NEU3: variants seen among roughly 807,000 people sequenced by gnomAD.
NEU3 encodes sialidase-3.
NEU3 carries 10 observed loss-of-function variants against 11.4 expected under a neutral mutation model. That is an observed-to-expected ratio of 0.88 (90% CI 0.54 to 1.49). The LOEUF (loss-of-function observed/expected upper bound fraction) is 1.49, where lower values mean the gene tolerates loss of function less well. Among genes scored for constraint, NEU3 ranks in the 40% most tolerant of loss-of-function variants. NEU3 has a pLI of 0.00. For synonymous variants in NEU3, 212 were observed against 228.2 expected, an observed-to-expected ratio of 0.93 and a Z score of 0.64; for missense variants, 529 against 581.8, an observed-to-expected ratio of 0.91 and a Z score of 0.93.
chr11:75,001,071 T>C (rs1379498298), intron 2 of NEU3, among the ~76,000 whole-genome samples: 1 of 152,078 alleles, frequency 6.6e-6, no homozygotes, highest in East Asian at 1.9e-4. Context: ...TTTATATTCC[T>C]ACCAACAGTA....
At chr11:75,018,559 T>G (rs1482324213) in intron 3 of NEU3, 4 of 152,236 alleles carry the variant, frequency 2.6e-5, no homozygotes, top group African/African-American at 9.6e-5. Context: ...CTCCAAGTTC[T>G]TCAGTTTTGG....
At chr11:75,015,953 C>G (rs1744870145) in intron 3 of NEU3, among the ~76,000 whole-genome samples, 1 of 152,214 alleles carries the variant, frequency 6.6e-6, no homozygotes, top group African/African-American at 2.4e-5. Flanking sequence ...ACCACCCATA[C>G]AGCTGGTCTG....
chr11:75,017,247 A>T (rs942386768), intron 3 of NEU3, among the ~76,000 whole-genome samples: 1 of 152,196 alleles, frequency 6.6e-6, no homozygotes, highest in Non-Finnish European at 1.5e-5. Context: ...GTCTTATACT[A>T]GGCCCAGAGT....
chr11:75,011,139 A>C (rs1053104270), downstream of NEU3, among the ~76,000 whole-genome samples: 4 of 152,232 alleles, frequency 2.6e-5, no homozygotes, highest in Non-Finnish European at 4.4e-5. Flanking sequence ...TACGGAATAC[A>C]ATGTCATACA....
chr11:74,995,768 G>A (rs997099778), intron 2 of NEU3, among the ~76,000 whole-genome samples: 1 of 149,366 alleles, frequency 6.7e-6, no homozygotes, highest in Non-Finnish European at 1.5e-5. Flanking sequence ...TATCAGGGTG[G>A]TGGTTGCTGA....
chr11:75,006,055 G>A lies in NEU3; in HGVS notation c.949G>A (p.Val317Ile). ...CCCACATGGTTGCCAAGGGAGTGTGGTAAGTTTCCGGCCCCTGGAGATCCC... is the reference window on the plus strand; with the variant it reads ...CCCACATGGTTGCCAAGGGAGTGTGATAAGTTTCCGGCCCCTGGAGATCCC... The part of the protein sequence containing the change: ...EPPHGCQGSV[V>I]SFRPLEIPHR... The change falls in exon 3 of 3, where the codon GTA (valine) becomes ATA (isoleucine). Residue 317 changes from valine (V) to isoleucine (I), a missense_variant. By Grantham distance (29) the Val-to-Ile change is conservative (BLOSUM62 3). Coordinates refer to ENST00000294064, the MANE Select transcript of NEU3 (RefSeq NM_006656.6). 6.2e-7 allele frequency: 1 copy of A among 1,614,010 alleles called. No homozygotes were observed. The highest frequency in any genetic ancestry group is 8.5e-7 in the Non-Finnish European group (1 of 1,179,906).
intron 1 of NEU3, among the ~76,000 whole-genome samples, chr11:74,990,857 G>A (rs1041271293): frequency 6.6e-6 from 1 of 152,186 alleles, no homozygotes; most frequent in African/African-American, 2.4e-5. Context: ...GGATTTAAAT[G>A]TTTTTAAGAA....
chr11:75,005,407 G>T lies in NEU3; in HGVS notation c.307-6G>T, dbSNP rs188758869. ...CACTCCTACTTTCTCCCTTCTCCTT[G>T]TCTAGTGGGGGCCCCTGAAGCCACT... On this transcript the variant is annotated splice_polypyrimidine_tract_variant and splice_region_variant and intron_variant, in intron 2 of 2. Coordinates refer to ENST00000294064, the MANE Select transcript of NEU3 (RefSeq NM_006656.6). The T allele has an allele frequency of 3.6e-5, 58 of 1,594,698 alleles. No homozygotes were observed. In the African/African-American group the frequency reaches 7.4e-4, roughly 20 times the overall value.
rs1021883153 is a variant in NEU3 at position 75,005,643 on chromosome 11, G to A, written c.537G>A (p.Glu179=). The part of the protein sequence containing the change: ...CSWSEVRDLT[E]EVIGSELKHW... The stretch of plus-strand genomic sequence containing the variant: ...GGAGTGAGGTGAGGGACTTGACTGA[G>A]GAGGTCATTGGCTCAGAGCTGAAGC... Residue 179 remains glutamate (E), a synonymous_variant, in exon 3 of 3, where the codon GAG becomes GAA. Coordinates refer to ENST00000294064, the MANE Select transcript of NEU3 (RefSeq NM_006656.6). 3 of 1,614,024 alleles carry A rather than the reference G, an allele frequency of 1.9e-6. No individual in the cohort carries two copies. Among genetic ancestry groups the A allele is most frequent in the Admixed American group, 3.3e-5 (2 of 60,022 alleles).
At chr11:75,004,622 A>T (rs1948879862) in intron 2 of NEU3, among the ~76,000 whole-genome samples, 1 of 152,220 alleles carries the variant, frequency 6.6e-6, no homozygotes, top group Non-Finnish European at 1.5e-5. Flanking sequence ...TTGTATCCTT[A>T]TAATAACTCC....
chr11:75,001,530 G>A (rs1341826063), intron 2 of NEU3, among the ~76,000 whole-genome samples: 9 of 151,840 alleles, frequency 5.9e-5, no homozygotes, highest in Non-Finnish European at 8.8e-5. Flanking sequence ...TAATCCACCC[G>A]CCTTGACCTC....
Position 74,995,090 on chromosome 11 carries a change from T to G in NEU3, c.306+370T>G, listed in dbSNP as rs573013949. The G allele has an allele frequency of 9.5e-6, 5 of 528,412 alleles. No homozygotes were observed. In the East Asian group the frequency reaches 1.4e-4, roughly 15 times the overall value. The allele number at this position is 528,412 out of a possible 1,614,324, so 32.7% of individuals were successfully genotyped here. A position where few individuals can be genotyped will look rare whatever the true frequency, so the allele number is the denominator to read the frequency against. On this transcript the variant is annotated intron_variant, in intron 2 of 2. Transcript: ENST00000294064. ...TTATTTAGATTCAGCTAACGTATGATGTGCCTTTCATTTATATTCCATTTA... is the reference window on the plus strand; with the variant it reads ...TTATTTAGATTCAGCTAACGTATGAGGTGCCTTTCATTTATATTCCATTTA...
At chr11:74,999,050 G>A (rs1165713612) in intron 2 of NEU3, among the ~76,000 whole-genome samples, 1 of 152,176 alleles carries the variant, frequency 6.6e-6, no homozygotes. Context: ...CCTGGCTCAA[G>A]CAATTTTCCT....
the NEU3 span, among the ~76,000 whole-genome samples, chr11:74,983,264 TATAC>T: frequency 1.3e-5 from 2 of 152,228 alleles, no homozygotes; most frequent in African/African-American, 4.8e-5. Context: ...TTAATACCAA[TATAC>T]ATTTAATTGA....
At chr11:75,017,397 G>T (rs1329701917) in intron 3 of NEU3, among the ~76,000 whole-genome samples, 1 of 152,216 alleles carries the variant, frequency 6.6e-6, no homozygotes, top group Non-Finnish European at 1.5e-5. Context: ...GGATGTGTTT[G>T]AGCAGGGCTG....
chr11:75,005,300 T>G (rs1948885466), intron 2 of NEU3, 113 bp from the exon 3 acceptor site: 1 of 1,180,264 alleles, frequency 8.5e-7, no homozygotes, highest in African/African-American at 1.5e-5. Flanking sequence ...TTCGTGATTT[T>G]ATAGATTTCA....
At chr11:74,985,231 G>A (rs1194382280), upstream of NEU3, among the ~76,000 whole-genome samples, 2 of 152,012 alleles carry the variant, frequency 1.3e-5, no homozygotes, top group African/African-American at 4.8e-5. Flanking sequence ...GACAAATAAG[G>A]CTTAAAGAAT....
intron 2 of NEU3, among the ~76,000 whole-genome samples, chr11:75,005,209 C>T (rs547805625): frequency 2.8e-4 from 43 of 152,252 alleles, no homozygotes; most frequent in African/African-American, 1.0e-3. Context: ...GAGGAGACAG[C>T]TTGTACAACA....
chr11:75,020,518 T>G (rs892617326), downstream of NEU3, among the ~76,000 whole-genome samples: 3 of 152,222 alleles, frequency 2.0e-5, no homozygotes, highest in Admixed American at 1.3e-4. Flanking sequence ...TCATGAGGTC[T>G]GATGGCTTTA....
Sources: gnomAD v4.1 joint callset for allele counts (sites outside exome capture counted in the v4.1 genomes callset) on GRCh38, gnomAD v4.1.1 for gene constraint, MANE v1.5 for transcripts, NCBI Gene and HGNC (gene_info 2026-07-23, HGNC 2026-07-21) for gene names.